The following CACNG3 variants were observed in gnomAD, a reference collection of about 807,000 sequenced individuals.
CACNG3 encodes calcium voltage-gated channel auxiliary subunit gamma 3, also known as voltage-dependent calcium channel gamma-3 subunit.
Under a neutral mutation model 28.5 loss-of-function variants are expected in CACNG3, and 3 were observed. That is an observed-to-expected ratio of 0.11 (90% confidence interval 0.05 to 0.27). CACNG3 has a LOEUF of 0.27. Ranked by LOEUF, CACNG3 falls within the 10% of genes least tolerant of loss-of-function variation. CACNG3 has a pLI of 1.00. For missense variants in CACNG3, 236 were observed against 414.4 expected, an observed-to-expected ratio of 0.57 and a Z score of 3.74; for synonymous variants, 174 against 162.2, an observed-to-expected ratio of 1.07 and a Z score of -0.55.
At chr16:24,299,052 T>TC (rs1899071532) in intron 1 of CACNG3, among the ~76,000 whole-genome samples, 1 of 152,068 alleles carries the variant, frequency 6.6e-6, no homozygotes, top group South Asian at 2.1e-4. Flanking sequence ...TACTTTTTTT[T>TC]CCCCCTTTCC....
At chr16:24,332,712 A>G (rs1445994013) in intron 1 of CACNG3, among the ~76,000 whole-genome samples, 1 of 152,088 alleles carries the variant, frequency 6.6e-6, no homozygotes, top group Non-Finnish European at 1.5e-5. Context: ...ACAGGCAAGT[A>G]AACTCTGTCT....
At chr16:24,349,786 T>A (rs957405969) in intron 2 of CACNG3, among the ~76,000 whole-genome samples, 2 of 152,170 alleles carry the variant, frequency 1.3e-5, no homozygotes, top group Non-Finnish European at 2.9e-5. Flanking sequence ...ACCCCCTATC[T>A]CATCCTGTGC....
Position 24,351,623 on chromosome 16 carries a change from AG to A in CACNG3, c.296-3206del, listed in dbSNP as rs1567225361. Among the ~76,000 whole-genome samples the A allele has an allele frequency of 1.6e-4, 9 of 56,912 alleles. No homozygotes were observed. The South Asian group carries it at 5.9e-3, about 37-fold the overall frequency. The allele number at this position is 56,912 out of a possible 152,430, so 37.3% of individuals were successfully genotyped here. A position where few individuals can be genotyped will look rare whatever the true frequency, so the allele number is the denominator to read the frequency against. On this transcript the variant is annotated intron_variant, in intron 2 of 3. Coordinates refer to ENST00000005284, the MANE Select transcript of CACNG3 (RefSeq NM_006539.4). ...GGGAAGGGGAAGGGGAAGGGGAAGG[AG>A]GGGAAGGGGAAGGGGAAGGGGAGGG...
At chr16:24,300,998 A>G (rs1038671023) in intron 1 of CACNG3, among the ~76,000 whole-genome samples, 1 of 149,218 alleles carries the variant, frequency 6.7e-6, no homozygotes, top group East Asian at 2.0e-4. Flanking sequence ...AGCCGAGATC[A>G]TGTCACTGCA....
rs141984716 is a variant in CACNG3, at chr16:24,361,273, T to C, written c.437-79T>C. The stretch of plus-strand genomic sequence containing the variant: ...CTCTCCCCATTACCTCCACATTTTC[T>C]ATAAATATTTTAAGATGGAAAGTGA... On this transcript the variant is annotated intron_variant, in intron 3 of 3. Coordinates refer to ENST00000005284, the MANE Select transcript of CACNG3 (RefSeq NM_006539.4). This position sits in a 1 kb window ranked among gnomAD's most constrained non-coding sequence, Gnocchi z 6.8. 2.0e-4 allele frequency: 235 copies of C among 1,179,322 alleles called. No individual in the cohort carries two copies. The highest frequency in any genetic ancestry group is 1.1e-3 in the African/African-American group (71 of 65,028). 73.1% of individuals were successfully genotyped at this position (1,179,322 alleles called of 1,614,324 possible). A position where few individuals can be genotyped will look rare whatever the true frequency, so the allele number is the denominator to read the frequency against.
chr16:24,267,896 C>A (rs1264509107), intron 1 of CACNG3, among the ~76,000 whole-genome samples: 2 of 152,124 alleles, frequency 1.3e-5, no homozygotes, highest in African/African-American at 4.8e-5. Flanking sequence ...GTCTCGAACT[C>A]CTGGCCTCAA....
chr16:24,343,304 T>G (rs970484327), intron 1 of CACNG3, among the ~76,000 whole-genome samples: 21 of 152,106 alleles, frequency 1.4e-4, no homozygotes, highest in Non-Finnish European at 2.9e-4. Context: ...AATAGGCCCA[T>G]TTCACAAGCA....
chr16:24,265,370 A>G (rs1328262288), intron 1 of CACNG3, among the ~76,000 whole-genome samples: 1 of 147,822 alleles, frequency 6.8e-6, no homozygotes, highest in African/African-American at 2.5e-5. Context: ...AAAGAAAGAA[A>G]AAAGAAAGAA....
At chr16:24,341,660 C>T (rs1022199972) in intron 1 of CACNG3, among the ~76,000 whole-genome samples, 3 of 152,180 alleles carry the variant, frequency 2.0e-5, no homozygotes, top group Admixed American at 2.0e-4. Context: ...GGTAATTTGC[C>T]ATAGATACCA....
chr16:24,262,082 T>G (rs1358132603), intron 1 of CACNG3, among the ~76,000 whole-genome samples: 2 of 152,200 alleles, frequency 1.3e-5, no homozygotes, highest in African/African-American at 4.8e-5. Flanking sequence ...GGACAGGGAT[T>G]ATTGTCTTTG....
At chr16:24,308,265 A>G (rs1041524042) in intron 1 of CACNG3, among the ~76,000 whole-genome samples, 17 of 152,164 alleles carry the variant, frequency 1.1e-4, no homozygotes, top group Non-Finnish European at 2.5e-4. Flanking sequence ...ATCATCAAGG[A>G]AAGCTGTCTA....
chr16:24,315,654 C>A (rs1308216882), intron 1 of CACNG3, among the ~76,000 whole-genome samples: 1 of 148,100 alleles, frequency 6.8e-6, no homozygotes, highest in Non-Finnish European at 1.5e-5. Flanking sequence ...CTCTCTCTCT[C>A]ATTCTCTCTT....
intron 3 of CACNG3, among the ~76,000 whole-genome samples, chr16:24,357,007 C>A (rs572656491): frequency 6.6e-6 from 1 of 152,044 alleles, no homozygotes; most frequent in South Asian, 2.1e-4. Flanking sequence ...AAGGCTGAGG[C>A]GGGTGGATCA....
intron 1 of CACNG3, among the ~76,000 whole-genome samples, chr16:24,279,487 T>C (rs1386629094): frequency 1.3e-5 from 2 of 152,008 alleles, no homozygotes; most frequent in African/African-American, 4.8e-5. Flanking sequence ...TATTATTTTG[T>C]AGAGAGAGTA....
intron 2 of CACNG3, among the ~76,000 whole-genome samples, chr16:24,352,843 C>T (rs1303828740): frequency 6.6e-6 from 1 of 152,128 alleles, no homozygotes; most frequent in East Asian, 1.9e-4. Flanking sequence ...CCCAGGCTTG[C>T]CTGGATTCTT....
chr16:24,339,866 T>C (rs1899760390), intron 1 of CACNG3, among the ~76,000 whole-genome samples: 1 of 152,162 alleles, frequency 6.6e-6, no homozygotes, highest in Non-Finnish European at 1.5e-5. Flanking sequence ...CTGATTTCAG[T>C]AGGAAAATTT....
intron 1 of CACNG3, among the ~76,000 whole-genome samples, chr16:24,305,945 T>C (rs1193544018): frequency 6.6e-6 from 1 of 152,188 alleles, no homozygotes; most frequent in East Asian, 1.9e-4. Flanking sequence ...AGTGCTGGGA[T>C]TGCAGGTGCG....
intron 1 of CACNG3, among the ~76,000 whole-genome samples, chr16:24,265,395 A>G (rs1898590774): frequency 6.7e-6 from 1 of 148,508 alleles, no homozygotes; most frequent in African/African-American, 2.5e-5. Context: ...AAGAAAGAAG[A>G]AAGAAAGAAA....
At chr16:24,337,451 G>C (rs1899727351) in intron 1 of CACNG3, among the ~76,000 whole-genome samples, 1 of 152,050 alleles carries the variant, frequency 6.6e-6, no homozygotes, top group South Asian at 2.1e-4. Context: ...TAGGGACTCT[G>C]AGCCCCTTTT....
Sources: allele counts gnomAD v4.1 joint callset (sites outside exome capture counted in the v4.1 genomes callset), GRCh38; gene constraint gnomAD v4.1.1; non-coding constraint Gnocchi (gnomAD v3.1); transcripts MANE v1.5; gene names NCBI Gene and HGNC (gene_info 2026-07-23, HGNC 2026-07-21).